Variants in RALYL observed in about 807,000 individuals in gnomAD.
The protein encoded by RALYL is RALY RNA binding protein like, also known as RNA-binding Raly-like protein.
Under a neutral mutation model 35.1 loss-of-function variants are expected in RALYL, and 29 were observed. The observed-to-expected ratio is 0.83, with a 90% confidence interval of 0.61 to 1.13. The LOEUF is 1.13. Among genes scored for constraint, RALYL ranks in the 50% most tolerant of loss-of-function variants. The probability of loss-of-function intolerance (pLI) is 0.00; values close to 1 mark genes in which losing one functional copy is unlikely to be tolerated. For missense variants in RALYL, 359 were observed against 360.4 expected, an observed-to-expected ratio of 1.00 and a Z score of 0.03; for synonymous variants, 120 against 127.6, an observed-to-expected ratio of 0.94 and a Z score of 0.40.
intron 1 of RALYL, among the ~76,000 whole-genome samples, chr8:84,229,667 G>A (rs1040157541): frequency 6.6e-6 from 1 of 151,954 alleles, no homozygotes; most frequent in Non-Finnish European, 1.5e-5. Context: ...AATAATTGAA[G>A]AATAATTAGA....
intron 2 of RALYL, among the ~76,000 whole-genome samples, chr8:84,646,456 G>A (rs1383940392): frequency 6.6e-6 from 1 of 151,894 alleles, no homozygotes; most frequent in Admixed American, 6.6e-5. Flanking sequence ...ATTTAGTTTG[G>A]GGGATTGTAT....
chr8:84,226,179 A>C (rs962413099), intron 1 of RALYL, among the ~76,000 whole-genome samples: 1 of 152,146 alleles, frequency 6.6e-6, no homozygotes, highest in African/African-American at 2.4e-5. Flanking sequence ...TCAACTGTGC[A>C]TGCAACGGAT....
intron 1 of RALYL, among the ~76,000 whole-genome samples, chr8:84,329,635 G>C (rs1460356177): frequency 6.6e-6 from 1 of 151,902 alleles, no homozygotes; most frequent in Non-Finnish European, 1.5e-5. Context: ...CTGCAAGCTT[G>C]AGTTTTACTT....
intron 1 of RALYL, among the ~76,000 whole-genome samples, chr8:84,487,733 T>C (rs891647416): frequency 9.2e-5 from 14 of 152,108 alleles, no homozygotes; most frequent in Admixed American, 2.0e-4. Context: ...AAACTATCTG[T>C]CCTCTTATAG....
intron 4 of RALYL, among the ~76,000 whole-genome samples, chr8:84,839,297 G>A (rs1211104620): frequency 6.6e-6 from 1 of 152,214 alleles, no homozygotes. Context: ...AATGGTCTTA[G>A]CAAACGGCAC....
intron 1 of RALYL, among the ~76,000 whole-genome samples, chr8:84,190,160 G>C (rs1222051516): frequency 6.6e-6 from 1 of 152,176 alleles, no homozygotes; most frequent in African/African-American, 2.4e-5. Flanking sequence ...AAGGAAAGCT[G>C]AACAGCTAAT....
At chr8:84,331,424 A>C (rs183472107) in intron 1 of RALYL, among the ~76,000 whole-genome samples, 41 of 152,254 alleles carry the variant, frequency 2.7e-4, no homozygotes, top group Admixed American at 1.2e-3. Context: ...TGTCTTTGGG[A>C]TTCAATAAAA....
chr8:84,766,777 A>G (rs1814191463), intron 2 of RALYL, among the ~76,000 whole-genome samples: 1 of 149,098 alleles, frequency 6.7e-6, no homozygotes, highest in Non-Finnish European at 1.5e-5. Flanking sequence ...GATAAACACC[A>G]TTTTATAAAA....
chr8:84,371,411 C>G (rs57179901), intron 1 of RALYL, among the ~76,000 whole-genome samples: 4,499 of 152,082 alleles, frequency 0.03, 216 homozygotes, highest in African/African-American at 0.1. Flanking sequence ...CTACTTGGAA[C>G]TTACTTCCTC....
chr8:84,562,193 C>T (rs181059731), intron 2 of RALYL, among the ~76,000 whole-genome samples: 59 of 152,010 alleles, frequency 3.9e-4, no homozygotes, highest in African/African-American at 1.3e-3. Context: ...CCATTGTGTG[C>T]CAGCTATCAT....
chr8:84,662,296 A>G (rs1282554187), intron 2 of RALYL, among the ~76,000 whole-genome samples: 1 of 152,032 alleles, frequency 6.6e-6, no homozygotes, highest in African/African-American at 2.4e-5. Context: ...CTTGCACTCT[A>G]CCACACATTC....
intron 8 of RALYL, among the ~76,000 whole-genome samples, chr8:84,919,436 C>T (rs757097812): frequency 4.6e-5 from 7 of 151,986 alleles, no homozygotes; most frequent in African/African-American, 9.7e-5. Flanking sequence ...TTACACCACA[C>T]AAAAAGTAGT....
chr8:84,304,169 G>A (rs1841352128), intron 1 of RALYL, among the ~76,000 whole-genome samples: 1 of 152,002 alleles, frequency 6.6e-6, no homozygotes, highest in African/African-American at 2.4e-5. Flanking sequence ...CCAGGCTGGA[G>A]TGCAGTGGCG....
intron 2 of RALYL, among the ~76,000 whole-genome samples, chr8:84,606,070 T>C (rs1817075958): frequency 2.0e-5 from 3 of 151,866 alleles, no homozygotes. Context: ...TCACAGGAGG[T>C]TTTCAACCCA....
At chr8:84,729,350 C>CT (rs1350020926) in intron 2 of RALYL, among the ~76,000 whole-genome samples, 2 of 151,984 alleles carry the variant, frequency 1.3e-5, no homozygotes, top group African/African-American at 4.8e-5. Context: ...GCTGAAGTTG[C>CT]TTATCAGCTT....
At chr8:84,609,849 T>TG (rs1817908507) in intron 2 of RALYL, among the ~76,000 whole-genome samples, 1 of 152,136 alleles carries the variant, frequency 6.6e-6, no homozygotes, top group Non-Finnish European at 1.5e-5. Flanking sequence ...TCCACGTGGC[T>TG]GGGGAAGCCT....
At chr8:84,425,744 G>A (rs1336095044) in intron 1 of RALYL, among the ~76,000 whole-genome samples, 1 of 151,512 alleles carries the variant, frequency 6.6e-6, no homozygotes, top group African/African-American at 2.4e-5. Flanking sequence ...ACAATAGCAT[G>A]CAATTGCAGC....
intron 1 of RALYL, among the ~76,000 whole-genome samples, chr8:84,435,821 G>C (rs948055495): frequency 2.0e-5 from 3 of 152,096 alleles, no homozygotes; most frequent in Non-Finnish European, 4.4e-5. Flanking sequence ...CTGTGTTTCA[G>C]GGCAGGACCC....
intron 1 of RALYL, among the ~76,000 whole-genome samples, chr8:84,245,605 T>C (rs143318674): frequency 1.3e-5 from 2 of 152,338 alleles, no homozygotes; most frequent in African/African-American, 4.8e-5. Context: ...ATTAGCTGTT[T>C]AAGCGTATGC....
Sources: allele counts gnomAD v4.1 joint callset (sites outside exome capture counted in the v4.1 genomes callset), GRCh38; gene constraint gnomAD v4.1.1; transcripts MANE v1.5; gene names NCBI Gene and HGNC (gene_info 2026-07-23, HGNC 2026-07-21).